Variants in GNPTAB observed in about 807,000 individuals in gnomAD.
The protein encoded by GNPTAB is N-acetylglucosamine-1-phosphate transferase subunits alpha and beta.
A neutral mutation model predicts 136.6 loss-of-function variants in GNPTAB; 92 were observed. The observed-to-expected ratio is 0.67, with a 90% CI of 0.57 to 0.80. GNPTAB has a LOEUF of 0.80. Ranked by LOEUF, GNPTAB falls within the 30% of genes least tolerant of loss-of-function variation. The probability of loss-of-function intolerance (pLI) is 0.00; values close to 1 mark genes in which losing one functional copy is unlikely to be tolerated. For synonymous variants in GNPTAB, 512 were observed against 535.1 expected, an observed-to-expected ratio of 0.96 and a Z score of 0.60; for missense variants, 1,343 against 1,501.8, an observed-to-expected ratio of 0.89 and a Z score of 1.75.
chr12:101,784,552 C>T (rs1226022934), intron 5 of GNPTAB, among the ~76,000 whole-genome samples: 2 of 152,106 alleles, frequency 1.3e-5, no homozygotes, highest in African/African-American at 4.8e-5. Flanking sequence ...TTATGTGAGA[C>T]CTGTGTGCCA....
At chr12:101,776,561 AC>A (rs1953264902) in intron 7 of GNPTAB, among the ~76,000 whole-genome samples, 1 of 152,382 alleles carries the variant, frequency 6.6e-6, no homozygotes, top group African/African-American at 2.4e-5. Flanking sequence ...AGTTAATAAA[AC>A]AAAAACAAAA....
intron 12 of GNPTAB, 62 bp downstream of exon 12, chr12:101,766,029 C>T (rs1458030734): frequency 1.5e-5 from 21 of 1,387,948 alleles, no homozygotes; most frequent in Non-Finnish European, 2.0e-5. Flanking sequence ...CCATTCAAAA[C>T]TCTCTCTACC....
At chr12:101,801,370 T>A (rs1869613471) in intron 1 of GNPTAB, among the ~76,000 whole-genome samples, 1 of 150,322 alleles carries the variant, frequency 6.7e-6, no homozygotes, top group Non-Finnish European at 1.5e-5. Flanking sequence ...GGCAAAACCC[T>A]GTCTCTACAA....
At chr12:101,793,332 G>A (rs1443332054) in intron 2 of GNPTAB, among the ~76,000 whole-genome samples, 3 of 152,094 alleles carry the variant, frequency 2.0e-5, no homozygotes, top group African/African-American at 7.2e-5. Flanking sequence ...CTTCAGTGAT[G>A]TGTTTTTAAA....
chr12:101,807,088 C>T (rs1384484843), intron 1 of GNPTAB, among the ~76,000 whole-genome samples: 1 of 152,156 alleles, frequency 6.6e-6, no homozygotes, highest in African/African-American at 2.4e-5. Flanking sequence ...TTACCACAAC[C>T]AACTGGGATT....
intron 2 of GNPTAB, among the ~76,000 whole-genome samples, chr12:101,792,521 C>T (rs766745725): frequency 6.6e-6 from 1 of 152,086 alleles, no homozygotes; most frequent in Non-Finnish European, 1.5e-5. Flanking sequence ...AATTGTATAC[C>T]CTTGTCCAAA....
At chr12:101,767,103 A>G (rs1258015408) in intron 11 of GNPTAB, among the ~76,000 whole-genome samples, 1 of 152,194 alleles carries the variant, frequency 6.6e-6, no homozygotes, top group Non-Finnish European at 1.5e-5. Context: ...CTGAAATACA[A>G]CTTGAAGCTT....
rs1449204157 is a variant in GNPTAB at position 101,764,662 on chromosome 12, G to C, written c.2255C>G (p.Ala752Gly). The C allele has an allele frequency of 1.2e-6, 2 of 1,612,718 alleles. No homozygotes were observed. Among genetic ancestry groups the C allele is most frequent in the Non-Finnish European group, 1.7e-6 (2 of 1,179,674 alleles). ...NSQHAKIKNQ[A>G]IITDETNDSL... ...GTCATTTGTTTCATCTGTTATTATA[G>C]CTTGATTTTTTATTTTAGCATGCTG... Residue 752 changes from alanine (A) to glycine (G), a missense_variant, in exon 13 of 21, where the codon GCT (alanine) becomes GGT (glycine). Ala to Gly is a moderately conservative substitution (Grantham distance 60, BLOSUM62 0). Transcript: ENST00000299314.
chr12:101,754,063 C>A (rs1289985524), intron 18 of GNPTAB, among the ~76,000 whole-genome samples: 1 of 151,742 alleles, frequency 6.6e-6, no homozygotes, highest in Non-Finnish European at 1.5e-5. Context: ...GTAGGAGAAT[C>A]GCTTGAACCT....
chr12:101,749,100 C>A lies in GNPTAB; in HGVS notation c.3693+1G>T. The A allele has an allele frequency of 1.3e-6, 2 of 1,564,738 alleles. No individual in the cohort carries two copies. The highest frequency in any genetic ancestry group is 2.2e-5 in the East Asian group (1 of 44,560). ...ACCCACATAAAATATATAAAACTTA[C>A]CTGCTCAGCAAAAAATGAGAATATA... On this transcript the variant is annotated splice_donor_variant, in intron 20 of 20. Transcript: ENST00000299314. LOFTEE classifies it high-confidence loss of function.
At chr12:101,765,584 G>A (rs1953078744) in intron 12 of GNPTAB, 3 of 434,776 alleles carry the variant, frequency 6.9e-6, no homozygotes, top group Non-Finnish European at 1.3e-5. Flanking sequence ...ACTGGTATAG[G>A]GCTTATTTCA....
At chr12:101,784,917 A>G (rs1204407414) in intron 5 of GNPTAB, among the ~76,000 whole-genome samples, 1 of 152,182 alleles carries the variant, frequency 6.6e-6, no homozygotes, top group Non-Finnish European at 1.5e-5. Context: ...GACAGACAAG[A>G]GGCTAGAGCA....
At chr12:101,803,405 C>T (rs574635407) in intron 1 of GNPTAB, among the ~76,000 whole-genome samples, 22 of 152,238 alleles carry the variant, frequency 1.4e-4, no homozygotes, top group Non-Finnish European at 2.1e-4. Flanking sequence ...TAATCACATT[C>T]GATTAAAGAC....
rs1452981689 is a variant in GNPTAB at position 101,745,604 on chromosome 12, T to C, written c.*1560A>G. 6.6e-6 allele frequency: 1 copy of C among 152,270 alleles called. No homozygotes were observed. The highest frequency in any genetic ancestry group is 1.5e-5 in the Non-Finnish European group (1 of 68,042). 9.4% of individuals were successfully genotyped at this position (152,270 alleles called of 1,614,324 possible). A position where few individuals can be genotyped will look rare whatever the true frequency, so the allele number is the denominator to read the frequency against. ...TCAAGTTCTTTGTACAAAAGATGTA[T>C]GCCATTTTGGAAGAATATTGTTGAG... On this transcript the variant is annotated 3_prime_UTR_variant, in exon 21 of 21. Transcript: ENST00000299314.
rs193246340 is a variant in GNPTAB, at chr12:101,777,928, G to C, written c.771+2224C>G. ...GAAAACAACCTTCAAAGAACATTAT[G>C]TGTGATTAGCTTGATGCTCTGAGAG... On this transcript the variant is annotated intron_variant, in intron 7 of 20. Coordinates refer to ENST00000299314, the MANE Select transcript of GNPTAB (RefSeq NM_024312.5). Among the ~76,000 whole-genome samples the C allele has an allele frequency of 3.5e-3, 527 of 152,304 alleles. 4 individuals are homozygous for C. The highest frequency in any genetic ancestry group is 0.012 in the African/African-American group (497 of 41,556).
chr12:101,784,566 AGACT>A (rs1310586506), intron 5 of GNPTAB, among the ~76,000 whole-genome samples: 2 of 152,192 alleles, frequency 1.3e-5, no homozygotes, highest in Non-Finnish European at 2.9e-5. Flanking sequence ...TGTGCCAGAC[AGACT>A]GAGATGGACT....
intron 1 of GNPTAB, among the ~76,000 whole-genome samples, chr12:101,800,604 C>CAAAAAAA (rs58129963): frequency 6.4e-3 from 473 of 74,184 alleles, no homozygotes; most frequent in East Asian, 0.01. Flanking sequence ...ACTAAAAATA[C>CAAAAAAA]AAAAAAAAAA....
intron 1 of GNPTAB, among the ~76,000 whole-genome samples, chr12:101,803,724 C>T (rs1268539226): frequency 6.6e-6 from 1 of 152,198 alleles, no homozygotes; most frequent in Non-Finnish European, 1.5e-5. Flanking sequence ...AAGGATTAAA[C>T]ATTTATTTGC....
At chr12:101,760,980 C>T (rs552215217) in intron 15 of GNPTAB, 147 bp downstream of exon 15, 64 of 659,222 alleles carry the variant, frequency 9.7e-5, no homozygotes, top group African/African-American at 9.2e-4. Flanking sequence ...GGGGTTTCAC[C>T]GTGTTGCCCA....
Sources: gnomAD v4.1 joint callset for allele counts (sites outside exome capture counted in the v4.1 genomes callset) on GRCh38, gnomAD v4.1.1 for gene constraint, MANE v1.5 for transcripts, NCBI Gene and HGNC (gene_info 2026-07-23, HGNC 2026-07-21) for gene names.